The following MSRA variants were observed in gnomAD, a reference collection of about 807,000 sequenced individuals.
MSRA encodes methionine sulfoxide reductase A, also known as mitochondrial peptide methionine sulfoxide reductase.
A neutral mutation model predicts 31.3 loss-of-function variants in MSRA; 54 were observed. The ratio of observed to expected loss-of-function variants is 1.73; its 90% confidence interval spans 1.39 to 2.17. The LOEUF is 2.17. Among genes scored for constraint, MSRA ranks in the 30% most tolerant of loss-of-function variants. MSRA has a pLI of 0.00. For missense variants in MSRA, 507 were observed against 300.9 expected (o/e 1.69, Z -5.07); for synonymous variants, 169 against 116.5 (o/e 1.45, Z -2.90).
chr8:10,384,740 G>T (rs892130679), intron 5 of MSRA, among the ~76,000 whole-genome samples: 1 of 152,156 alleles, frequency 6.6e-6, no homozygotes, highest in Non-Finnish European at 1.5e-5. Context: ...AGGCATGGTG[G>T]TTCATGCCTG....
intron 1 of MSRA, among the ~76,000 whole-genome samples, chr8:10,184,514 A>G (rs917862459): frequency 6.6e-6 from 1 of 151,868 alleles, no homozygotes; most frequent in African/African-American, 2.4e-5. Context: ...AAATGGCTTG[A>G]TTTACATTGG....
intron 5 of MSRA, among the ~76,000 whole-genome samples, chr8:10,420,281 G>A (rs1361258885): frequency 6.6e-6 from 1 of 151,958 alleles, no homozygotes; most frequent in African/African-American, 2.4e-5. Context: ...CTGGGGAGTA[G>A]GGGAACAGGG....
intron 2 of MSRA, among the ~76,000 whole-genome samples, chr8:10,233,556 C>T (rs958775232): frequency 6.6e-6 from 1 of 152,068 alleles, no homozygotes; most frequent in Non-Finnish European, 1.5e-5. Context: ...GAAATAATTC[C>T]ATACCTGGAA....
At chr8:10,322,621 C>T (rs1227018566) in intron 5 of MSRA, among the ~76,000 whole-genome samples, 1 of 152,066 alleles carries the variant, frequency 6.6e-6, no homozygotes, top group Non-Finnish European at 1.5e-5. Context: ...GCTGTTTCTG[C>T]CTTGCAGGGA....
intron 1 of MSRA, among the ~76,000 whole-genome samples, chr8:10,091,492 C>G (rs1256030662): frequency 6.6e-6 from 1 of 152,010 alleles, no homozygotes; most frequent in Non-Finnish European, 1.5e-5. Context: ...GATTTCCTGT[C>G]TTGGCTATTA....
At chr8:10,304,492 C>A (rs1162486916) in intron 4 of MSRA, among the ~76,000 whole-genome samples, 1 of 152,190 alleles carries the variant, frequency 6.6e-6, no homozygotes, top group Non-Finnish European at 1.5e-5. Flanking sequence ...TTCAGAATAA[C>A]TCTGGTATCA....
At chr8:10,371,382 G>A (rs977461229) in intron 5 of MSRA, among the ~76,000 whole-genome samples, 8 of 152,006 alleles carry the variant, frequency 5.3e-5, no homozygotes, top group South Asian at 2.1e-4. Context: ...GCCGGCCGGC[G>A]CCTCGTTCCG....
At chr8:10,156,699 A>T (rs544107062) in intron 1 of MSRA, among the ~76,000 whole-genome samples, 1 of 152,068 alleles carries the variant, frequency 6.6e-6, no homozygotes, top group Admixed American at 6.6e-5. Context: ...CCCCTACCAG[A>T]GAAATGTGAA....
intron 5 of MSRA, among the ~76,000 whole-genome samples, chr8:10,360,273 A>G (rs1461095378): frequency 6.6e-6 from 1 of 152,124 alleles, no homozygotes; most frequent in Non-Finnish European, 1.5e-5. Context: ...CAGATGCCCT[A>G]TTGCTTCCCT....
intron 2 of MSRA, among the ~76,000 whole-genome samples, chr8:10,209,972 C>T (rs919830830): frequency 3.3e-5 from 5 of 152,110 alleles, no homozygotes; most frequent in South Asian, 2.1e-4. Context: ...AAATTAAGGC[C>T]TTATTTTGGT....
intron 1 of MSRA, among the ~76,000 whole-genome samples, chr8:10,090,427 G>A (rs923858779): frequency 6.6e-6 from 1 of 152,214 alleles, no homozygotes; most frequent in East Asian, 1.9e-4. Flanking sequence ...TTTAGTTAAT[G>A]TATAGTATTG....
intron 1 of MSRA, among the ~76,000 whole-genome samples, chr8:10,165,877 C>CAGTT (rs143160852): frequency 0.053 from 8,139 of 152,164 alleles, 356 homozygotes; most frequent in South Asian, 0.12. Context: ...ACTCTGTGAG[C>CAGTT]AGTTACCTTA....
At chr8:10,184,620 C>G (rs1806858642) in intron 1 of MSRA, among the ~76,000 whole-genome samples, 2 of 152,190 alleles carry the variant, frequency 1.3e-5, no homozygotes, top group African/African-American at 2.4e-5. Flanking sequence ...AAAAACAACT[C>G]TAAGGATGCC....
At position 10,428,583 on chromosome 8, in the gene MSRA, C is replaced by T. The variant is rs3750316; in HGVS notation, c.*271C>T. On this transcript the variant is annotated 3_prime_UTR_variant, in exon 6 of 6. Transcript: ENST00000317173. ...GTGAAGATAGCAGGGATGCTGTGTT[C>T]ACCCTTCTTGGTAGAAGCTAAGGTG... 9.1e-5 allele frequency: 37 copies of T among 406,570 alleles called. No homozygotes were observed. In the East Asian group the frequency reaches 2.3e-3, roughly 25 times the overall value. 25.2% of individuals were successfully genotyped at this position (406,570 alleles called of 1,614,324 possible). A position where few individuals can be genotyped will look rare whatever the true frequency, so the allele number is the denominator to read the frequency against.
At chr8:10,378,978 CA>C (rs1166651165) in intron 5 of MSRA, among the ~76,000 whole-genome samples, 1 of 152,256 alleles carries the variant, frequency 6.6e-6, no homozygotes, top group Non-Finnish European at 1.5e-5. Flanking sequence ...ATCTCTCTTC[CA>C]GCCTTGGTCC....
intron 2 of MSRA, among the ~76,000 whole-genome samples, chr8:10,228,564 T>C (rs1044308810): frequency 1.3e-5 from 2 of 152,194 alleles, no homozygotes; most frequent in Non-Finnish European, 2.9e-5. Flanking sequence ...GGGAGGCTGT[T>C]AATTCAGCTT....
intron 1 of MSRA, among the ~76,000 whole-genome samples, chr8:10,181,227 G>T (rs1056222950): frequency 6.6e-6 from 1 of 152,206 alleles, no homozygotes; most frequent in African/African-American, 2.4e-5. Context: ...GCCTGGCAGG[G>T]AGCAGAAGGG....
At chr8:10,201,948 A>C (rs1382057506) in intron 1 of MSRA, among the ~76,000 whole-genome samples, 1 of 152,218 alleles carries the variant, frequency 6.6e-6, no homozygotes, top group Non-Finnish European at 1.5e-5. Context: ...CATGTGCCCA[A>C]CCCACCAGTT....
intron 3 of MSRA, among the ~76,000 whole-genome samples, chr8:10,255,538 C>T (rs2129089277): frequency 6.6e-6 from 1 of 152,260 alleles, no homozygotes; most frequent in East Asian, 1.9e-4. Context: ...ACACCAGTGC[C>T]CCTGTCAGCA....
Sources: gnomAD v4.1 joint callset for allele counts (sites outside exome capture counted in the v4.1 genomes callset) on GRCh38, gnomAD v4.1.1 for gene constraint, MANE v1.5 for transcripts, NCBI Gene and HGNC (gene_info 2026-07-23, HGNC 2026-07-21) for gene names.